Variants in AMMECR1 observed in about 807,000 individuals in gnomAD.
The protein encoded by AMMECR1 is nuclear protein AMMECR1.
In AMMECR1, 3 loss-of-function variants were observed where a neutral mutation model predicts 22.5. That is an observed-to-expected ratio of 0.13 (90% confidence interval 0.06 to 0.35). The LOEUF (loss-of-function observed/expected upper bound fraction) is 0.35. AMMECR1 is among the 10% of genes least tolerant of loss of function. The pLI, the probability that AMMECR1 is intolerant of heterozygous loss-of-function variation, is 1.00. For missense variants in AMMECR1, 235 were observed against 278.7 expected (o/e 0.84, Z 1.12); for synonymous variants, 130 against 116.7 (o/e 1.11, Z -0.74).
At chrX:110,329,037 C>T (rs748569209) in intron 2 of AMMECR1, among the ~76,000 whole-genome samples, 3 of 112,354 alleles carry the variant, frequency 2.7e-5, no homozygotes, top group South Asian at 3.7e-4. Flanking sequence ...CTTGAGGAAT[C>T]GCCACACTGT....
intron 2 of AMMECR1, among the ~76,000 whole-genome samples, chrX:110,229,703 G>A (rs1369585473): frequency 8.9e-6 from 1 of 112,237 alleles, no homozygotes; most frequent in African/African-American, 3.2e-5. Context: ...AGGGCGGGGC[G>A]TTGACTCACC....
intron 2 of AMMECR1, among the ~76,000 whole-genome samples, chrX:110,348,864 A>G (rs2068200680): frequency 8.9e-6 from 1 of 112,018 alleles, no homozygotes; most frequent in Admixed American, 9.5e-5. Flanking sequence ...TAAAATGGGC[A>G]GGGAAATGCA....
At chrX:110,346,255 G>A (rs772825704) in intron 2 of AMMECR1, among the ~76,000 whole-genome samples, 1 of 111,335 alleles carries the variant, frequency 9.0e-6, no homozygotes, top group Non-Finnish European at 1.9e-5. Context: ...TCCTGAATTT[G>A]TTATCCTGTA....
At chrX:110,213,826 C>G (rs1471398233) in intron 3 of AMMECR1, among the ~76,000 whole-genome samples, 3 of 110,821 alleles carry the variant, frequency 2.7e-5, no homozygotes, top group Non-Finnish European at 5.7e-5. Context: ...TAATTTCCAC[C>G]CTTATTCGTT....
intron 2 of AMMECR1, among the ~76,000 whole-genome samples, chrX:110,221,008 G>A (rs985294765): frequency 8.9e-6 from 1 of 112,511 alleles, no homozygotes; most frequent in Non-Finnish European, 1.9e-5. Flanking sequence ...CTAGTCATTT[G>A]CTCACTTGTT....
At position 110,202,543 on chromosome X, in the gene AMMECR1, G is replaced by C; in HGVS notation, c.700-7C>G. The C allele has an allele frequency of 8.7e-7, 1 of 1,144,635 alleles. No individual in the cohort carries two copies. Among genetic ancestry groups the C allele is most frequent in the African/African-American group, 1.8e-5 (1 of 56,417 alleles). The allele number at this position is 1,144,635 out of a possible 1,213,427, so 94.3% of individuals were successfully genotyped here. A position where few individuals can be genotyped will look rare whatever the true frequency, so the allele number is the denominator to read the frequency against. ...TAATGCCATGTACACCCACCTGAAA[G>C]AAATTGGCAGTTTTATTAGTACAGT... On this transcript the variant is annotated splice_region_variant and splice_polypyrimidine_tract_variant and intron_variant, in intron 3 of 5. Transcript: ENST00000262844.
intron 2 of AMMECR1, among the ~76,000 whole-genome samples, chrX:110,348,696 A>G (rs1423294917): frequency 8.9e-6 from 1 of 112,332 alleles, no homozygotes; most frequent in Non-Finnish European, 1.9e-5. Context: ...TTAGAAAATC[A>G]CAAAACAATA....
Position 110,425,815 on chromosome X carries a change from G to A in AMMECR1, c.-148+843C>T, listed in dbSNP as rs774599426. On this transcript the variant is annotated intron_variant, in intron 2 of 7. Transcript: ENST00000372057. ...TGAAGCATCTAGTTCCAGGGCCTGAGCTCTTTAATTCCTATATTTAATGAA... is the reference window on the plus strand; with the variant it reads ...TGAAGCATCTAGTTCCAGGGCCTGAACTCTTTAATTCCTATATTTAATGAA... Among the ~76,000 whole-genome samples, 25 of 112,639 alleles carry A rather than the reference G, an allele frequency of 2.2e-4. No homozygotes were observed. In the East Asian group the frequency reaches 2.8e-3, roughly 13 times the overall value.
At chrX:110,212,825 A>G (rs764721083) in intron 3 of AMMECR1, among the ~76,000 whole-genome samples, 14 of 112,078 alleles carry the variant, frequency 1.2e-4, no homozygotes, top group Admixed American at 2.8e-4. Context: ...TGCATATTCA[A>G]TATGATCTGT....
chrX:110,369,211 G>C lies in AMMECR1; in HGVS notation c.-147-51362C>G, dbSNP rs142908091. On this transcript the variant is annotated intron_variant, in intron 2 of 7. Transcript: ENST00000372057. The stretch of plus-strand genomic sequence containing the variant: ...ACCGGGTGTGGTGGCACGCTCCTGT[G>C]GTCCCAGCTACTCGGTAGGCTGAGA... Among the ~76,000 whole-genome samples the C allele has an allele frequency of 9.7e-3, 1,076 of 110,681 alleles. 10 individuals carry two copies. The highest frequency in any genetic ancestry group is 0.015 in the Non-Finnish European group (780 of 52,854).
At chrX:110,392,909 G>C (rs1325752210) in intron 2 of AMMECR1, among the ~76,000 whole-genome samples, 1 of 112,272 alleles carries the variant, frequency 8.9e-6, no homozygotes, top group East Asian at 2.8e-4. Flanking sequence ...TTGAGTGTTT[G>C]AGCTGGCGTT....
intron 1 of AMMECR1, among the ~76,000 whole-genome samples, chrX:110,300,012 T>C (rs766127426): frequency 8.9e-6 from 1 of 112,326 alleles, no homozygotes; most frequent in African/African-American, 3.2e-5. Context: ...CTCTTCAATA[T>C]ACTATTTTCT....
In AMMECR1 at chrX:110,376,975, G is replaced by T. The variant is rs1186957752; in HGVS notation, c.-148+49683C>A. On this transcript the variant is annotated intron_variant, in intron 2 of 7. Transcript: ENST00000372057. ...CCAAATCTGCCGGACCCACCTAGGG[G>T]CATGGAAACCACTTCCCGCTCTAGT... Among the ~76,000 whole-genome samples the T allele has an allele frequency of 2.7e-5, 3 of 111,949 alleles. No individual in the cohort carries two copies. The East Asian group carries it at 8.4e-4, about 31-fold the overall frequency.
Position 110,196,088 on chromosome X carries a change from T to C in AMMECR1, c.*2432A>G, listed in dbSNP as rs1382275414. On this transcript the variant is annotated 3_prime_UTR_variant, in exon 6 of 6. Transcript: ENST00000262844. Reference sequence around the variant, plus strand: ...ATAACATCTGCATATATCAAGGATTTTAAAAAATCTGATATGATTTTAGAG... The same window carrying C: ...ATAACATCTGCATATATCAAGGATTCTAAAAAATCTGATATGATTTTAGAG... The C allele has an allele frequency of 2.7e-5, 3 of 112,068 alleles. No individual in the cohort carries two copies. Among genetic ancestry groups the C allele is most frequent in the Non-Finnish European group, 5.6e-5 (3 of 53,181 alleles). The allele number at this position is 112,068 out of a possible 1,213,427, so 9.2% of individuals were successfully genotyped here. A position where few individuals can be genotyped will look rare whatever the true frequency, so the allele number is the denominator to read the frequency against.
intron 3 of AMMECR1, 30 bp from the exon 4 acceptor site, chrX:110,202,566 A>G: frequency 1.1e-6 from 1 of 921,943 alleles, no homozygotes; most frequent in Non-Finnish European, 1.6e-6. Flanking sequence ...TTATTAGTAC[A>G]GTCTTCTTCA....
At chrX:110,432,119 A>G (rs925432209) in intron 1 of AMMECR1, among the ~76,000 whole-genome samples, 11 of 111,899 alleles carry the variant, frequency 9.8e-5, no homozygotes, top group African/African-American at 3.3e-4. Context: ...GAGGGAGAAG[A>G]GTTAAGAGGG....
intron 1 of AMMECR1, among the ~76,000 whole-genome samples, chrX:110,298,592 C>T (rs1173923428): frequency 9.0e-6 from 1 of 111,322 alleles, no homozygotes; most frequent in Admixed American, 9.6e-5. Flanking sequence ...CCCTGTCTCT[C>T]TTAACGTAGC....
chrX:110,243,065 A>T (rs1408895625), intron 2 of AMMECR1, among the ~76,000 whole-genome samples: 2 of 112,551 alleles, frequency 1.8e-5, no homozygotes, highest in Non-Finnish European at 3.8e-5. Flanking sequence ...TCTGTACCAA[A>T]GGAACCATCT....
intron 1 of AMMECR1, among the ~76,000 whole-genome samples, chrX:110,432,009 G>A (rs954364633): frequency 2.7e-5 from 3 of 111,935 alleles, no homozygotes; most frequent in Non-Finnish European, 5.6e-5. Flanking sequence ...GAGTACTAAG[G>A]GTTTGGGGAG....
Sources: gnomAD v4.1 joint callset for allele counts (sites outside exome capture counted in the v4.1 genomes callset) on GRCh38, gnomAD v4.1.1 for gene constraint, MANE v1.5 for transcripts, NCBI Gene and HGNC (gene_info 2026-07-23, HGNC 2026-07-21) for gene names.